The following CREB5 variants were observed in gnomAD, a reference collection of about 807,000 sequenced individuals.
The protein encoded by CREB5 is cAMP responsive element binding protein 5, also known as cyclic AMP-responsive element-binding protein 5.
A neutral mutation model predicts 57.1 loss-of-function variants in CREB5; 19 were observed. That is an observed-to-expected ratio of 0.33 (90% confidence interval 0.23 to 0.49). The LOEUF is 0.49. Among genes scored for constraint, CREB5 ranks in the 20% least tolerant of loss-of-function variants. The pLI is 0.99. For synonymous variants in CREB5, 238 were observed against 238.3 expected, an observed-to-expected ratio of 1.00 and a Z score of 0.01; for missense variants, 579 against 671.6, an observed-to-expected ratio of 0.86 and a Z score of 1.52.
intron 4 of CREB5, among the ~76,000 whole-genome samples, chr7:28,560,831 C>CGTGCGCGT (rs1562797049): frequency 1.7e-5 from 1 of 58,896 alleles, no homozygotes; most frequent in Admixed American, 1.6e-4. Flanking sequence ...TGCGCGCGCG[C>CGTGCGCGT]GCGTGTGTGT....
rs139734759 is a variant in CREB5 at position 28,724,729 on chromosome 7, C to T, written c.702+397C>T. The T allele has an allele frequency of 1.7e-3, 271 of 157,710 alleles. 1 individual carries two copies. Among genetic ancestry groups the T allele is most frequent in the African/African-American group, 6.1e-3 (254 of 41,684 alleles). 9.8% of individuals were successfully genotyped at this position (157,710 alleles called of 1,614,324 possible). On this transcript the variant is annotated intron_variant, in intron 7 of 10. Coordinates refer to ENST00000357727, the MANE Select transcript of CREB5 (RefSeq NM_182898.4). ...GTCCCCATATTCATTAAGACAGAAG[C>T]TTGATGCTTAAACACACACTGGTAT...
intron 4 of CREB5, among the ~76,000 whole-genome samples, chr7:28,523,262 T>C (rs1793288042): frequency 6.6e-6 from 1 of 152,194 alleles, no homozygotes; most frequent in South Asian, 2.1e-4. Context: ...CCGTGCTATG[T>C]ATTAATTTGT....
At chr7:28,778,156 A>T (rs1023792670) in intron 7 of CREB5, among the ~76,000 whole-genome samples, 1 of 152,240 alleles carries the variant, frequency 6.6e-6, no homozygotes, top group Non-Finnish European at 1.5e-5. Flanking sequence ...AAAACAACAA[A>T]GTTTTATAAG....
At chr7:28,792,838 A>G (rs1807800722) in intron 7 of CREB5, among the ~76,000 whole-genome samples, 2 of 152,154 alleles carry the variant, frequency 1.3e-5, no homozygotes, top group African/African-American at 2.4e-5. Flanking sequence ...AAATGGCATC[A>G]TGGATTCTCA....
At chr7:28,378,560 T>A (rs916254494) in intron 1 of CREB5, among the ~76,000 whole-genome samples, 1 of 152,240 alleles carries the variant, frequency 6.6e-6, no homozygotes, top group Non-Finnish European at 1.5e-5. Context: ...TATTTTAGCT[T>A]ATTGATACCT....
In CREB5 at chr7:28,684,497, G is replaced by A. The variant is rs143755055; in HGVS notation, c.465-34256G>A. Among the ~76,000 whole-genome samples, 160 of 152,336 alleles carry A rather than the reference G, an allele frequency of 1.1e-3. 1 individual carries two copies. Among genetic ancestry groups the A allele is most frequent in the African/African-American group, 3.7e-3 (153 of 41,584 alleles). On this transcript the variant is annotated intron_variant, in intron 5 of 10. Transcript: ENST00000357727. ...ATTGCTTTTTAACTCTTCACCCTGA[G>A]TACGGCAACACTCCCTGAAGCTGTG...
At position 28,532,647 on chromosome 7, in the gene CREB5, C is replaced by T. The variant is rs575294515; in HGVS notation, c.291+24910C>T. On this transcript the variant is annotated intron_variant, in intron 4 of 10. Coordinates refer to ENST00000357727, the MANE Select transcript of CREB5 (RefSeq NM_182898.4). ...AAGGAAATGGAGAAAAAGGAACTAA[C>T]AAAGTAATTGAAAATTGGTATATTT... Among the ~76,000 whole-genome samples, 9 of 152,192 alleles carry T rather than the reference C, an allele frequency of 5.9e-5. No individual in the cohort carries two copies. In the South Asian group the frequency reaches 1.9e-3, roughly 32 times the overall value.
intron 1 of CREB5, among the ~76,000 whole-genome samples, chr7:28,378,439 T>TA (rs1013941055): frequency 8.6e-5 from 13 of 151,516 alleles, no homozygotes; most frequent in African/African-American, 1.9e-4. Context: ...ACTTAAAGTA[T>TA]AAAAAAAAAC....
At chr7:28,544,950 C>G (rs899137324) in intron 4 of CREB5, among the ~76,000 whole-genome samples, 1 of 152,172 alleles carries the variant, frequency 6.6e-6, no homozygotes, top group East Asian at 1.9e-4. Context: ...GAGTAACTGA[C>G]AAATTATCAT....
chr7:28,769,378 A>C (rs1419736830), intron 7 of CREB5, among the ~76,000 whole-genome samples: 1 of 152,234 alleles, frequency 6.6e-6, no homozygotes, highest in African/African-American at 2.4e-5. Context: ...AATGTTTGAT[A>C]GATGAGAGAT....
At chr7:28,748,435 T>A (rs1436158278) in intron 7 of CREB5, among the ~76,000 whole-genome samples, 1 of 152,174 alleles carries the variant, frequency 6.6e-6, no homozygotes. Flanking sequence ...CCAGCAATCT[T>A]GAGGACAGAG....
chr7:28,302,448 C>G (rs1785112767), intron 1 of CREB5, among the ~76,000 whole-genome samples: 1 of 152,170 alleles, frequency 6.6e-6, no homozygotes, highest in Admixed American at 6.5e-5. Flanking sequence ...GTTTGGAAAT[C>G]AAACTACATG....
chr7:28,427,470 C>T (rs1017499844), intron 1 of CREB5, among the ~76,000 whole-genome samples: 2 of 152,092 alleles, frequency 1.3e-5, no homozygotes, highest in Non-Finnish European at 1.5e-5. Flanking sequence ...TATACTCTGA[C>T]GACATTAATC....
At chr7:28,438,409 C>T (rs978505439) in intron 1 of CREB5, among the ~76,000 whole-genome samples, 2 of 152,038 alleles carry the variant, frequency 1.3e-5, no homozygotes, top group Admixed American at 1.3e-4. Flanking sequence ...ATCACTGATC[C>T]CCAACTTGAC....
At chr7:28,596,363 C>CTTGCA (rs1032343317) in intron 5 of CREB5, among the ~76,000 whole-genome samples, 2 of 152,194 alleles carry the variant, frequency 1.3e-5, no homozygotes, top group South Asian at 2.1e-4. Flanking sequence ...AACTGAATTT[C>CTTGCA]TTGCATTGCA....
intron 1 of CREB5, among the ~76,000 whole-genome samples, chr7:28,376,244 A>G (rs1428751321): frequency 2.0e-5 from 3 of 149,738 alleles, no homozygotes; most frequent in Non-Finnish European, 3.0e-5. Flanking sequence ...TTTGAATAGC[A>G]CTTTCAGGAG....
intron 1 of CREB5, among the ~76,000 whole-genome samples, chr7:28,392,759 G>C (rs1331205410): frequency 6.6e-6 from 1 of 152,184 alleles, no homozygotes. Context: ...GAGGACAGAA[G>C]AGATTTTCGA....
At chr7:28,384,590 A>T (rs1037043975) in intron 1 of CREB5, among the ~76,000 whole-genome samples, 11 of 151,194 alleles carry the variant, frequency 7.3e-5, no homozygotes, top group East Asian at 1.9e-4. Context: ...CTCTCCTAAT[A>T]AAAAAAAACC....
rs1268731360 is a variant in CREB5, at chr7:28,373,154, C to T, written c.-25+73713C>T. On this transcript the variant is annotated intron_variant, in intron 1 of 9. Coordinates refer to the CREB5 transcript ENST00000396299. ...GCATAAGACCTGCGTTCTATCCCCT[C>T]TCATGGAGTAAATTCAGACTTGTGA... Among the ~76,000 whole-genome samples, 7 of 152,312 alleles carry T rather than the reference C, an allele frequency of 4.6e-5. No homozygotes were observed. The South Asian group carries it at 8.3e-4, about 18-fold the overall frequency.
Sources: allele counts gnomAD v4.1 joint callset (sites outside exome capture counted in the v4.1 genomes callset), GRCh38; gene constraint gnomAD v4.1.1; transcripts MANE v1.5; gene names NCBI Gene and HGNC (gene_info 2026-07-23, HGNC 2026-07-21).